Variants in CCDC171 observed in about 807,000 individuals in gnomAD.
CCDC171 encodes coiled-coil domain containing 171, also known as coiled-coil domain-containing protein 171.
Under a neutral mutation model 168.2 loss-of-function variants are expected in CCDC171, and 177 were observed. The ratio of observed to expected loss-of-function variants is 1.05; its 90% CI spans 0.93 to 1.19. The LOEUF (loss-of-function observed/expected upper bound fraction) is 1.19, where lower values mean the gene tolerates loss of function less well. CCDC171 is among the 50% of genes most tolerant of loss of function. The probability of loss-of-function intolerance (pLI) is 0.00; values close to 1 mark genes in which losing one functional copy is unlikely to be tolerated. For missense variants in CCDC171, 1,991 were observed against 1,539.0 expected, an observed-to-expected ratio of 1.29 and a Z score of -4.91; for synonymous variants, 687 against 540.8, an observed-to-expected ratio of 1.27 and a Z score of -3.75.
At chr9:16,058,566 G>T (rs749021892) in intron 1 of CCDC171, among the ~76,000 whole-genome samples, 2 of 152,184 alleles carry the variant, frequency 1.3e-5, no homozygotes, top group Non-Finnish European at 2.9e-5. Flanking sequence ...GCATAAAGAG[G>T]GACTTTGCAA....
At chr9:16,099,591 G>A in the CCDC171 span, among the ~76,000 whole-genome samples, 1 of 152,314 alleles carries the variant, frequency 6.6e-6, no homozygotes, top group Non-Finnish European at 1.5e-5. Flanking sequence ...AAGTCTCTGA[G>A]AAGCAGCTTG....
intron 3 of CCDC171, among the ~76,000 whole-genome samples, chr9:16,016,610 G>C (rs1047576488): frequency 6.6e-6 from 1 of 152,136 alleles, no homozygotes; most frequent in African/African-American, 2.4e-5. Flanking sequence ...CCAGCGTAGT[G>C]TTACTTCCTT....
At chr9:15,847,618 A>G (rs1362189804) in intron 22 of CCDC171, among the ~76,000 whole-genome samples, 1 of 152,086 alleles carries the variant, frequency 6.6e-6, no homozygotes, top group Non-Finnish European at 1.5e-5. Context: ...AGAAACATCT[A>G]ATTTTGATAA....
intron 14 of CCDC171, among the ~76,000 whole-genome samples, chr9:15,725,956 G>A (rs2053775000): frequency 6.6e-6 from 1 of 152,048 alleles, no homozygotes; most frequent in African/African-American, 2.4e-5. Context: ...TTCATATTTT[G>A]TTTAAGCCTC....
intron 1 of CCDC171, among the ~76,000 whole-genome samples, chr9:15,557,528 T>A (rs960175510): frequency 2.6e-5 from 4 of 152,144 alleles, no homozygotes; most frequent in African/African-American, 9.7e-5. Context: ...TCACTCATGA[T>A]TTGGCTTTCT....
At chr9:16,095,533 G>C in the CCDC171 span, among the ~76,000 whole-genome samples, 3 of 151,078 alleles carry the variant, frequency 2.0e-5, no homozygotes, top group African/African-American at 7.3e-5. Context: ...TCACACACAC[G>C]CTCTCTCTTT....
chr9:15,923,611 C>G (rs915587754), intron 25 of CCDC171, among the ~76,000 whole-genome samples: 1 of 151,056 alleles, frequency 6.6e-6, no homozygotes, highest in Admixed American at 6.6e-5. Context: ...TTAATAAAGA[C>G]GTATTCTTGA....
At chr9:15,665,447 T>C (rs528151515) in intron 8 of CCDC171, among the ~76,000 whole-genome samples, 42 of 152,336 alleles carry the variant, frequency 2.8e-4, no homozygotes, top group African/African-American at 1.0e-3. Context: ...ACTCATGTAA[T>C]AATGTTTCTT....
At chr9:15,649,314 A>G (rs1257237409) in intron 7 of CCDC171, among the ~76,000 whole-genome samples, 2 of 152,212 alleles carry the variant, frequency 1.3e-5, no homozygotes, top group Non-Finnish European at 2.9e-5. Context: ...AAGCTAGGCA[A>G]TACCATTCAG....
chr9:15,638,786 A>G (rs2046384692), intron 7 of CCDC171, among the ~76,000 whole-genome samples: 1 of 151,934 alleles, frequency 6.6e-6, no homozygotes, highest in East Asian at 1.9e-4. Flanking sequence ...CAAACTCCCA[A>G]TCCAATTTTA....
At chr9:15,720,426 G>A (rs1331283420) in intron 11 of CCDC171, among the ~76,000 whole-genome samples, 2 of 152,046 alleles carry the variant, frequency 1.3e-5, no homozygotes, top group Non-Finnish European at 2.9e-5. Flanking sequence ...ATCTTTGTAT[G>A]CATAATGCCT....
chr9:15,725,047 AT>A, intron 14 of CCDC171, 71 bp downstream of exon 14: 1 of 1,114,096 alleles, frequency 9.0e-7, no homozygotes, highest in South Asian at 1.3e-5. Flanking sequence ...TCAAGTGACT[AT>A]TTTTACTTGT....
intron 16 of CCDC171, among the ~76,000 whole-genome samples, chr9:15,738,811 T>C (rs1384108489): frequency 6.6e-6 from 1 of 152,142 alleles, no homozygotes; most frequent in Non-Finnish European, 1.5e-5. Flanking sequence ...GGAAATTTTG[T>C]TTTTTTAAAT....
chr9:15,724,352 A>C (rs947570662), intron 13 of CCDC171, among the ~76,000 whole-genome samples: 1 of 152,224 alleles, frequency 6.6e-6, no homozygotes, highest in Admixed American at 6.5e-5. Flanking sequence ...TAAACAGTTC[A>C]GCAAAATTTT....
chr9:15,636,971 A>G (rs943973528), intron 7 of CCDC171, among the ~76,000 whole-genome samples: 9 of 151,428 alleles, frequency 5.9e-5, no homozygotes, highest in African/African-American at 1.9e-4. Context: ...TTAAGAAAAT[A>G]TCGGCTGGGC....
chr9:16,102,403 A>G, the CCDC171 span, among the ~76,000 whole-genome samples: 1 of 151,130 alleles, frequency 6.6e-6, no homozygotes. Context: ...CTGGCTCGCT[A>G]AGTAAACAGG....
At chr9:15,920,483 A>G in intron 25 of CCDC171, 61 bp downstream of exon 25, 1 of 1,170,718 alleles carries the variant, frequency 8.5e-7, no homozygotes, top group Non-Finnish European at 1.2e-6. Context: ...ATTTACATTT[A>G]TGTTTTTAAT....
intron 3 of CCDC171, among the ~76,000 whole-genome samples, chr9:15,998,457 C>A (rs769539576): frequency 6.6e-6 from 1 of 152,146 alleles, no homozygotes; most frequent in East Asian, 1.9e-4. Flanking sequence ...TCATAAGCCC[C>A]CAGATAGTGA....
chr9:15,848,289 A>G (rs1440888934), intron 22 of CCDC171, among the ~76,000 whole-genome samples: 1 of 151,978 alleles, frequency 6.6e-6, no homozygotes, highest in Non-Finnish European at 1.5e-5. Flanking sequence ...TTAGATTTTT[A>G]TCTTCATTAT....
Sources: gnomAD v4.1 joint callset for allele counts (sites outside exome capture counted in the v4.1 genomes callset) on GRCh38, gnomAD v4.1.1 for gene constraint, MANE v1.5 for transcripts, NCBI Gene and HGNC (gene_info 2026-07-23, HGNC 2026-07-21) for gene names.